Variants in SGIP1 observed in about 807,000 individuals in gnomAD.
The protein encoded by SGIP1 is SH3-containing GRB2-like protein 3-interacting protein 1.
SGIP1 carries 38 observed loss-of-function variants against 107.5 expected under a neutral mutation model. The ratio of observed to expected loss-of-function variants is 0.35; its 90% CI spans 0.27 to 0.46. SGIP1 has a LOEUF of 0.46. Among genes scored for constraint, SGIP1 ranks in the 20% least tolerant of loss-of-function variants. The probability of loss-of-function intolerance (pLI) is 1.00; values close to 1 mark genes in which losing one functional copy is unlikely to be tolerated. For synonymous variants in SGIP1, 365 were observed against 366.1 expected (o/e 1.00, Z 0.03); for missense variants, 929 against 1,019.5 (o/e 0.91, Z 1.21).
chr1:66,696,822 G>A (rs2091007182), intron 18 of SGIP1, among the ~76,000 whole-genome samples: 1 of 152,192 alleles, frequency 6.6e-6, no homozygotes, highest in Non-Finnish European at 1.5e-5. Flanking sequence ...TCCACAACTT[G>A]TGACCTCCTA....
At position 66,679,748 on chromosome 1, in the gene SGIP1, A is replaced by T; in HGVS notation, c.810A>T (p.Gly270=). 1 of 1,596,240 alleles carries T rather than the reference A, an allele frequency of 6.3e-7. No individual in the cohort carries two copies. Among genetic ancestry groups the T allele is most frequent in the Non-Finnish European group, 8.5e-7 (1 of 1,175,360 alleles). The change falls in exon 14 of 25, where the codon GGA becomes GGT. Residue 270 remains glycine (G), a synonymous_variant. Transcript: ENST00000371037. ...GAACAGGATCCCCCTTAACAATTGG[A>T]CCAGGTACGCTTTTGTTTTTTCAGT... ...PPRTGSPLTI[G]PGNDQSATEV...
chr1:66,738,253 C>G lies in SGIP1; in HGVS notation c.2032-1082C>G, dbSNP rs529681122. Among the ~76,000 whole-genome samples the G allele has an allele frequency of 9.8e-5, 15 of 152,290 alleles. No individual in the cohort carries two copies. The South Asian group carries it at 1.0e-3, about 11-fold the overall frequency. ...TTGTTTCTGCCATAACCACTCCTGC[C>G]TTGAGAGTTCAGTCTACCTTCAGGA... On this transcript the variant is annotated intron_variant, in intron 21 of 24. Transcript: ENST00000371037.
At chr1:66,689,612 G>A (rs2089351135) in intron 16 of SGIP1, among the ~76,000 whole-genome samples, 1 of 152,196 alleles carries the variant, frequency 6.6e-6, no homozygotes, top group Admixed American at 6.5e-5. Flanking sequence ...GCAAATCCTG[G>A]TTTCTGATCC....
At chr1:66,734,902 G>A (rs143761729) in intron 21 of SGIP1, among the ~76,000 whole-genome samples, 19 of 152,192 alleles carry the variant, frequency 1.2e-4, no homozygotes, top group Non-Finnish European at 2.5e-4. Context: ...ATATATGTAC[G>A]TTATGGAATG....
At chr1:66,655,759 T>C (rs189793535) in intron 7 of SGIP1, among the ~76,000 whole-genome samples, 250 of 152,124 alleles carry the variant, frequency 1.6e-3, no homozygotes, top group African/African-American at 5.8e-3. Context: ...TATGCCTGTA[T>C]AAGGCATTTA....
chr1:66,717,588 C>A (rs932206797), intron 18 of SGIP1, among the ~76,000 whole-genome samples: 6 of 152,126 alleles, frequency 3.9e-5, no homozygotes, highest in African/African-American at 9.7e-5. Flanking sequence ...CAGACTCACC[C>A]AGTGGCACTG....
At chr1:66,705,889 A>T (rs1191082612) in intron 18 of SGIP1, among the ~76,000 whole-genome samples, 2 of 152,096 alleles carry the variant, frequency 1.3e-5, no homozygotes, top group Non-Finnish European at 2.9e-5. Flanking sequence ...AGGCAAGGAG[A>T]GGGAGAGCAT....
chr1:66,567,025 T>G (rs2059747310), intron 1 of SGIP1, among the ~76,000 whole-genome samples: 1 of 152,146 alleles, frequency 6.6e-6, no homozygotes, highest in Non-Finnish European at 1.5e-5. Context: ...TCCATGTCCC[T>G]GCAAAGGACA....
chr1:66,567,421 A>G (rs879592787), intron 1 of SGIP1, among the ~76,000 whole-genome samples: 7 of 152,124 alleles, frequency 4.6e-5, no homozygotes, highest in Non-Finnish European at 1.0e-4. Context: ...TCAGATGGGT[A>G]GATTGCAAAA....
In SGIP1 at chr1:66,544,452, G is replaced by A. The variant is rs181846984; in HGVS notation, c.10+10084G>A. The stretch of plus-strand genomic sequence containing the variant: ...TGTAATTCCAGCCCTTAGGGAGGCC[G>A]AGGTAGGTGGATCACTTGAAGCCAG... On this transcript the variant is annotated intron_variant, in intron 1 of 24. Coordinates refer to ENST00000371037, the MANE Select transcript of SGIP1 (RefSeq NM_032291.4). 2.0e-5 allele frequency among the ~76,000 whole-genome samples: 3 copies of A among 152,280 alleles called. No homozygotes were observed. In the East Asian group the frequency reaches 5.8e-4, roughly 29 times the overall value.
intron 18 of SGIP1, among the ~76,000 whole-genome samples, chr1:66,715,808 AT>A (rs1346964990): frequency 1.3e-5 from 2 of 152,124 alleles, no homozygotes; most frequent in Non-Finnish European, 2.9e-5. Context: ...TGTTTCATTA[AT>A]TTTAAACCTT....
intron 1 of SGIP1, among the ~76,000 whole-genome samples, chr1:66,587,094 AT>A (rs960734710): frequency 3.3e-5 from 5 of 151,876 alleles, no homozygotes; most frequent in Non-Finnish European, 5.9e-5. Context: ...TTATCATGTC[AT>A]TTTTTTCTGT....
At chr1:66,602,054 A>T (rs1373060128) in intron 1 of SGIP1, among the ~76,000 whole-genome samples, 1 of 152,242 alleles carries the variant, frequency 6.6e-6, no homozygotes, top group Non-Finnish European at 1.5e-5. Flanking sequence ...TGCTAACATC[A>T]GGTGTACATA....
chr1:66,545,571 A>C (rs1389849728), intron 1 of SGIP1, among the ~76,000 whole-genome samples: 1 of 151,912 alleles, frequency 6.6e-6, no homozygotes. Flanking sequence ...GAAAAAATTA[A>C]ATCAGAAAGT....
At chr1:66,675,270 G>A (rs1250677507) in intron 12 of SGIP1, among the ~76,000 whole-genome samples, 2 of 152,140 alleles carry the variant, frequency 1.3e-5, no homozygotes. Flanking sequence ...TTTGGAGAAT[G>A]TTTGCTTTCA....
chr1:66,715,953 C>A (rs1262001903), intron 18 of SGIP1, among the ~76,000 whole-genome samples: 1 of 152,108 alleles, frequency 6.6e-6, no homozygotes, highest in Non-Finnish European at 1.5e-5. Context: ...AGTAGCTAAT[C>A]ATTACTGAGT....
intron 18 of SGIP1, 75 bp from the exon 19 acceptor site, chr1:66,719,219 A>C (rs2150429684): frequency 1.0e-6 from 1 of 957,190 alleles, no homozygotes; most frequent in Non-Finnish European, 1.6e-6. Context: ...TTAATCCTTT[A>C]ATGGGCTTTT....
chr1:66,644,346 T>TAA (rs200625504), intron 7 of SGIP1, among the ~76,000 whole-genome samples: 23 of 146,444 alleles, frequency 1.6e-4, no homozygotes, highest in Admixed American at 4.1e-4. Flanking sequence ...AGATTTGGGG[T>TAA]AAAAAAAAAA....
chr1:66,585,771 T>G (rs1427854979), intron 1 of SGIP1, among the ~76,000 whole-genome samples: 1 of 152,124 alleles, frequency 6.6e-6, no homozygotes, highest in Admixed American at 6.6e-5. Context: ...ATTACAAGCA[T>G]GAGACACTGT....
Sources: gnomAD v4.1 joint callset for allele counts (sites outside exome capture counted in the v4.1 genomes callset) on GRCh38, gnomAD v4.1.1 for gene constraint, MANE v1.5 for transcripts, NCBI Gene and HGNC (gene_info 2026-07-23, HGNC 2026-07-21) for gene names.